GRIA3: variants seen among roughly 807,000 people sequenced by gnomAD.
GRIA3 encodes glutamate ionotropic receptor AMPA type subunit 3.
Under a neutral mutation model 63.0 loss-of-function variants are expected in GRIA3, and 3 were observed. The observed-to-expected ratio is 0.05, with a 90% confidence interval of 0.02 to 0.12. GRIA3 has a LOEUF of 0.12. GRIA3 is among the 10% of genes least tolerant of loss of function. The pLI, the probability that GRIA3 is intolerant of heterozygous loss-of-function variation, is 1.00. For missense variants in GRIA3, 347 were observed against 700.9 expected (o/e 0.50, Z 5.70); for synonymous variants, 274 against 257.9 (o/e 1.06, Z -0.60).
chrX:123,487,025 G>T (rs962924321), intron 15 of GRIA3, among the ~76,000 whole-genome samples: 4 of 111,936 alleles, frequency 3.6e-5, no homozygotes, highest in Non-Finnish European at 7.5e-5. Context: ...GGATTACTGG[G>T]CTTATTGTGG....
intron 2 of GRIA3, among the ~76,000 whole-genome samples, chrX:123,211,840 T>C (rs1188372453): frequency 9.0e-6 from 1 of 111,593 alleles, no homozygotes; most frequent in Non-Finnish European, 1.9e-5. Flanking sequence ...CCTCTTCCTC[T>C]GCATTTCTCT....
intron 4 of GRIA3, among the ~76,000 whole-genome samples, chrX:123,339,891 A>G (rs1469202502): frequency 4.5e-5 from 5 of 112,163 alleles, no homozygotes; most frequent in African/African-American, 1.6e-4. Flanking sequence ...AGAAACAGAC[A>G]TTTTCCGTCT....
chrX:123,436,783 A>G (rs2045646670), intron 12 of GRIA3, among the ~76,000 whole-genome samples: 1 of 111,437 alleles, frequency 9.0e-6, no homozygotes, highest in Non-Finnish European at 1.9e-5. Flanking sequence ...TCTGTTTCCT[A>G]GAAGAACTCA....
At chrX:123,259,164 T>G (rs2044435647) in intron 3 of GRIA3, among the ~76,000 whole-genome samples, 1 of 111,397 alleles carries the variant, frequency 9.0e-6, no homozygotes, top group Non-Finnish European at 1.9e-5. Flanking sequence ...GGTGGGAAAA[T>G]GTTGGAAGGT....
intron 13 of GRIA3, among the ~76,000 whole-genome samples, chrX:123,476,438 G>A (rs982903586): frequency 9.0e-6 from 1 of 111,690 alleles, no homozygotes; most frequent in African/African-American, 3.3e-5. Context: ...ATCTAATAAG[G>A]TACAGTAAGA....
rs192117158 is a variant in GRIA3, at chrX:123,436,747, C to T, written c.2076+8608C>T. ...GGGTAATTAACATCACACAGGACCC[C>T]CAGATCTTTGTAAGAACTCTGAAAC... is the stretch of plus-strand genomic sequence containing the variant. On this transcript the variant is annotated intron_variant, in intron 12 of 15. Transcript: ENST00000620443. Among the ~76,000 whole-genome samples, 414 of 111,506 alleles carry T rather than the reference C, an allele frequency of 3.7e-3. 2 individuals are homozygous for T. Among genetic ancestry groups the T allele is most frequent in the Non-Finnish European group, 5.5e-3 (293 of 53,047 alleles).
chrX:123,275,135 T>C (rs1244376736), intron 3 of GRIA3, among the ~76,000 whole-genome samples: 3 of 111,080 alleles, frequency 2.7e-5, no homozygotes, highest in East Asian at 5.6e-4. Flanking sequence ...ACAATAATAA[T>C]AACAATAATA....
chrX:123,374,018 G>A (rs1268322712), intron 5 of GRIA3, among the ~76,000 whole-genome samples: 1 of 111,628 alleles, frequency 9.0e-6, no homozygotes, highest in Non-Finnish European at 1.9e-5. Flanking sequence ...AATCCATCTC[G>A]AATTAATTTT....
chrX:123,396,188 A>G (rs2045411739), intron 6 of GRIA3, among the ~76,000 whole-genome samples: 1 of 75,073 alleles, frequency 1.3e-5, no homozygotes, highest in African/African-American at 4.6e-5. Context: ...CCTGGGCTGG[A>G]CTCCATCTCA....
At chrX:123,380,729 G>A (rs1681779841) in intron 5 of GRIA3, among the ~76,000 whole-genome samples, 1 of 111,893 alleles carries the variant, frequency 8.9e-6, no homozygotes, top group Non-Finnish European at 1.9e-5. Context: ...CCATGCCTAT[G>A]TCCTGAATTG....
At chrX:123,438,922 T>C (rs971283248) in intron 12 of GRIA3, among the ~76,000 whole-genome samples, 1 of 112,568 alleles carries the variant, frequency 8.9e-6, no homozygotes, top group Non-Finnish European at 1.9e-5. Context: ...TGTTTCTGCT[T>C]CAGTAGGAAG....
chrX:123,217,736 G>T (rs950019292), intron 2 of GRIA3, among the ~76,000 whole-genome samples: 5 of 112,383 alleles, frequency 4.4e-5, no homozygotes, highest in Non-Finnish European at 9.4e-5. Flanking sequence ...TGTGGTGAAA[G>T]GATTTCCAAT....
At position 123,326,045 on chromosome X, in the gene GRIA3, G is replaced by A. The variant is rs778056578; in HGVS notation, c.528G>A (p.Ala176=). The A allele has an allele frequency of 2.2e-5, 26 of 1,206,050 alleles. No individual in the cohort carries two copies. The Admixed American group carries it at 3.7e-4, about 17-fold the overall frequency. The change falls in exon 4 of 16, where the codon GCG becomes GCA. Residue 176 remains alanine (A), a synonymous_variant. Coordinates refer to ENST00000620443, the MANE Select transcript of GRIA3 (RefSeq NM_007325.5). ...CTTCAGGATTTTCCATCCTCCAAGC[G>A]ATTATGGAAGCAGCAGTGCAAAACA... ...DTERGFSILQ[A]IMEAAVQNNW... is the part of the protein sequence containing the mutation.
intron 3 of GRIA3, among the ~76,000 whole-genome samples, chrX:123,254,349 T>C (rs998976009): frequency 3.6e-5 from 4 of 111,466 alleles, no homozygotes; most frequent in African/African-American, 1.3e-4. Context: ...ACACACATCA[T>C]AATTCATCTA....
intron 3 of GRIA3, among the ~76,000 whole-genome samples, chrX:123,313,196 TG>T (rs1176179029): frequency 2.7e-5 from 3 of 111,898 alleles, no homozygotes; most frequent in African/African-American, 9.8e-5. Context: ...GTGTTTTACG[TG>T]GGTTTCTTTA....
intron 4 of GRIA3, among the ~76,000 whole-genome samples, chrX:123,329,980 G>T (rs187618611): frequency 8.9e-6 from 1 of 111,850 alleles, no homozygotes; most frequent in African/African-American, 3.3e-5. Context: ...GCATAACAGC[G>T]TTTCAGAGCA....
intron 12 of GRIA3, among the ~76,000 whole-genome samples, chrX:123,453,618 A>AAC (rs780732296): frequency 0.093 from 9,577 of 103,232 alleles, 615 homozygotes; most frequent in African/African-American, 0.22. Context: ...TCAGGTTTTC[A>AAC]ACACACACAC....
chrX:123,404,596 C>A, intron 9 of GRIA3, 112 bp from the exon 10 acceptor site: 2 of 531,317 alleles, frequency 3.8e-6, no homozygotes, highest in East Asian at 3.6e-5. Flanking sequence ...AATTTAAAGG[C>A]CTTTTTCACA....
chrX:123,328,637 C>T (rs777299364), intron 4 of GRIA3, among the ~76,000 whole-genome samples: 7 of 111,913 alleles, frequency 6.3e-5, no homozygotes, highest in African/African-American at 1.9e-4. Context: ...ATTATATCTC[C>T]AGTGTCCAAC....
Sources: allele counts gnomAD v4.1 joint callset (sites outside exome capture counted in the v4.1 genomes callset), GRCh38; gene constraint gnomAD v4.1.1; transcripts MANE v1.5; gene names NCBI Gene and HGNC (gene_info 2026-07-23, HGNC 2026-07-21).